The following GLYAT variants were observed in gnomAD, a reference collection of about 807,000 sequenced individuals.
GLYAT encodes the protein glycine N-acyltransferase.
In GLYAT, 25 loss-of-function variants were observed where a neutral mutation model predicts 22.8. The ratio of observed to expected loss-of-function variants is 1.09; its 90% confidence interval spans 0.80 to 1.53. The LOEUF is 1.53. Among genes scored for constraint, GLYAT ranks in the 40% most tolerant of loss-of-function variants. The pLI, the probability that GLYAT is intolerant of heterozygous loss-of-function variation, is 0.00. For missense variants in GLYAT, 411 were observed against 353.9 expected (o/e 1.16, Z -1.29); for synonymous variants, 140 against 122.7 (o/e 1.14, Z -0.93).
intron 1 of GLYAT, among the ~76,000 whole-genome samples, chr11:58,731,065 G>A (rs1480478442): frequency 6.6e-6 from 1 of 152,098 alleles, no homozygotes; most frequent in Non-Finnish European, 1.5e-5. Context: ...TAAGTAAATG[G>A]TGGTAGTACT....
At chr11:58,711,847 C>T (rs974896779) in intron 4 of GLYAT, among the ~76,000 whole-genome samples, 1 of 152,218 alleles carries the variant, frequency 6.6e-6, no homozygotes, top group Non-Finnish European at 1.5e-5. Flanking sequence ...TTAAAAGTGC[C>T]TGCCCCATTG....
At chr11:58,713,888 T>A (rs1856647032) in intron 3 of GLYAT, among the ~76,000 whole-genome samples, 1 of 152,130 alleles carries the variant, frequency 6.6e-6, no homozygotes, top group East Asian at 1.9e-4. Flanking sequence ...ATTTCATATA[T>A]TGTTTATTTT....
rs1164256111 is a variant in GLYAT at position 58,710,703 on chromosome 11, T to C, written c.375A>G (p.Lys125=). The change falls in exon 5 of 6, where the codon AAA becomes AAG. Residue 125 remains lysine (K), a synonymous_variant. Transcript: ENST00000344743. ...IQNLAAIKSF[K]VKQTQRILYM... is the part of the protein sequence containing the mutation. ...AGAGAATGCGTTGTGTTTGTTTGAC[T>C]TTGAAGGACTTAATGGCTGCAAGAT... The C allele has an allele frequency of 6.2e-7, 1 of 1,613,662 alleles. No individual in the cohort carries two copies. Among genetic ancestry groups the C allele is most frequent in the Non-Finnish European group, 8.5e-7 (1 of 1,179,566 alleles).
intron 3 of GLYAT, 75 bp downstream of exon 3, chr11:58,715,241 C>T: frequency 1.4e-6 from 1 of 727,680 alleles, no homozygotes; most frequent in Non-Finnish European, 2.4e-6. Context: ...TGCCCTGGCT[C>T]TACCATATTG....
intron 1 of GLYAT, among the ~76,000 whole-genome samples, chr11:58,730,076 A>C (rs1435781227): frequency 6.6e-6 from 1 of 152,198 alleles, no homozygotes; most frequent in Non-Finnish European, 1.5e-5. Context: ...AGCTGGCAGC[A>C]CTGGGCAATG....
chr11:58,716,052 C>T (rs952658473), intron 2 of GLYAT, among the ~76,000 whole-genome samples: 1 of 152,120 alleles, frequency 6.6e-6, no homozygotes, highest in Non-Finnish European at 1.5e-5. Flanking sequence ...AGACTATAGC[C>T]TATTGCTCAA....
intron 1 of GLYAT, among the ~76,000 whole-genome samples, chr11:58,728,136 C>G (rs540356600): frequency 3.8e-4 from 54 of 140,686 alleles, no homozygotes; most frequent in African/African-American, 1.3e-3. Flanking sequence ...AATCTCGGCT[C>G]ACTGCAACCT....
intron 3 of GLYAT, among the ~76,000 whole-genome samples, chr11:58,714,260 C>G (rs1013494137): frequency 8.5e-5 from 13 of 152,100 alleles, no homozygotes; most frequent in African/African-American, 3.1e-4. Context: ...TATTGTACAA[C>G]TCGGTGACTA....
Position 58,717,421 on chromosome 11 carries a change from A to G in GLYAT, c.82-1998T>C, listed in dbSNP as rs751509007. Among the ~76,000 whole-genome samples, 21 of 152,230 alleles carry G rather than the reference A, an allele frequency of 1.4e-4. 1 individual carries two copies. The highest frequency in any genetic ancestry group is 3.3e-4 in the Admixed American group (5 of 15,272). On this transcript the variant is annotated intron_variant, in intron 2 of 5. Coordinates refer to ENST00000344743, the MANE Select transcript of GLYAT (RefSeq NM_201648.3). ...TTCTAAAATCCATACATTAATAGGCAGGTATGAAAGTGGCTTATGTATGTA... is the reference window on the plus strand; with the variant it reads ...TTCTAAAATCCATACATTAATAGGCGGGTATGAAAGTGGCTTATGTATGTA...
intron 3 of GLYAT, among the ~76,000 whole-genome samples, chr11:58,714,872 A>G (rs970460337): frequency 2.6e-5 from 4 of 152,166 alleles, no homozygotes; most frequent in Non-Finnish European, 5.9e-5. Context: ...TAGCATGAGA[A>G]CGGACTAAAA....
At chr11:58,724,541 T>C (rs760299153) in intron 1 of GLYAT, 30 bp from the exon 2 acceptor site, 1 of 1,261,366 alleles carries the variant, frequency 7.9e-7, no homozygotes, top group Admixed American at 2.0e-5. Context: ...ACATACAGGA[T>C]TGAGAAAAGC....
chr11:58,728,889 AGAAGGAAG>A (rs71064488), intron 1 of GLYAT, among the ~76,000 whole-genome samples: 1,928 of 101,030 alleles, frequency 0.019, 33 homozygotes, highest in Non-Finnish European at 0.023. Flanking sequence ...AAAGAAAGAA[AGAAGGAAG>A]GAAGGAAGGA....
At chr11:58,714,849 A>G (rs1015280482) in intron 3 of GLYAT, among the ~76,000 whole-genome samples, 1 of 152,108 alleles carries the variant, frequency 6.6e-6, no homozygotes, top group African/African-American at 2.4e-5. Flanking sequence ...TGTCTCACAT[A>G]TGTCTTTATT....
In GLYAT at chr11:58,709,610, G is replaced by A. The variant is rs1338443942; in HGVS notation, c.*156C>T. On this transcript the variant is annotated 3_prime_UTR_variant, in exon 6 of 6. Transcript: ENST00000344743. ...AGAAACCTGTGAATGCAGGGACCAT[G>A]GCGATGCTGTTGAACATCACACTGC... The A allele has an allele frequency of 1.4e-6, 1 of 716,566 alleles. No homozygotes were observed. Among genetic ancestry groups the A allele is most frequent in the African/African-American group, 1.8e-5 (1 of 56,786 alleles). 44.4% of individuals were successfully genotyped at this position (716,566 alleles called of 1,614,324 possible).
At position 58,722,507 on chromosome 11, in the gene GLYAT, G is replaced by T. The variant is rs189213792; in HGVS notation, c.81+1909C>A. 1.3e-3 allele frequency among the ~76,000 whole-genome samples: 197 copies of T among 152,178 alleles called. No individual in the cohort carries two copies. In the Middle Eastern group the frequency reaches 0.024, roughly 18 times the overall value. ...TGAAGAAGGGACATTTTGAAGCAAT[G>T]GCAGGAAGACTTGAAGCAGGGAGAA... On this transcript the variant is annotated intron_variant, in intron 2 of 5. Transcript: ENST00000344743.
In GLYAT at chr11:58,728,885, AGAAAGAAGGAAG is replaced by A. The variant is rs1273924867; in HGVS notation, c.-16+2938_-16+2949del. ...AAGAAAGAAAGAAAGAAAGAAAGAA[AGAAAGAAGGAAG>A]GAAGGAAGGAAGGAAGGAAGGAAGG... is the stretch of plus-strand genomic sequence containing the variant. On this transcript the variant is annotated intron_variant, in intron 1 of 5. Transcript: ENST00000344743. Among the ~76,000 whole-genome samples, 667 of 121,550 alleles carry A rather than the reference AGAAAGAAGGAAG, an allele frequency of 5.5e-3. 2 individuals carry two copies. The highest frequency in any genetic ancestry group is 0.022 in the East Asian group (92 of 4,126). The allele number at this position is 121,550 out of a possible 152,430, so 79.7% of individuals were successfully genotyped here. A position where few individuals can be genotyped will look rare whatever the true frequency, so the allele number is the denominator to read the frequency against.
At chr11:58,726,912 A>C (rs1856816599) in intron 1 of GLYAT, among the ~76,000 whole-genome samples, 1 of 152,040 alleles carries the variant, frequency 6.6e-6, no homozygotes, top group African/African-American at 2.4e-5. Flanking sequence ...TAAAGGAGGA[A>C]CCTCTGGAGG....
Position 58,724,497 on chromosome 11 carries a change from G to T in GLYAT, c.-1C>A. 6.3e-7 allele frequency: 1 copy of T among 1,583,656 alleles called. No individual in the cohort carries two copies. Among genetic ancestry groups the T allele is most frequent in the Non-Finnish European group, 8.7e-7 (1 of 1,155,630 alleles). On this transcript the variant is annotated 5_prime_UTR_variant, in exon 2 of 6. Transcript: ENST00000344743. Reference sequence around the variant, plus strand: ...GGGCACCTTGCAATGGTAACATCATGGAGGATACCTTAGCCTAGAAAGACA... The same window carrying T: ...GGGCACCTTGCAATGGTAACATCATTGAGGATACCTTAGCCTAGAAAGACA...
intron 2 of GLYAT, among the ~76,000 whole-genome samples, chr11:58,723,561 C>T (rs1270826098): frequency 6.6e-6 from 1 of 151,938 alleles, no homozygotes; most frequent in Non-Finnish European, 1.5e-5. Context: ...AATGTATTTA[C>T]CTGAAATGTA....
Sources: gnomAD v4.1 joint callset for allele counts (sites outside exome capture counted in the v4.1 genomes callset) on GRCh38, gnomAD v4.1.1 for gene constraint, MANE v1.5 for transcripts, NCBI Gene and HGNC (gene_info 2026-07-23, HGNC 2026-07-21) for gene names.